VCF1: variants seen among roughly 807,000 people sequenced by gnomAD.
The protein encoded by VCF1 is VCP nuclear cofactor family member 1.
chr17:73,217,429 A>G, the VCF1 span, among the ~76,000 whole-genome samples: 1 of 150,212 alleles, frequency 6.7e-6, no homozygotes, highest in Non-Finnish European at 1.5e-5. Context: ...AGACAGGTGG[A>G]TCACGAGGTC....
chr17:73,211,519 G>A, the VCF1 span, among the ~76,000 whole-genome samples: 1 of 149,128 alleles, frequency 6.7e-6, no homozygotes. Flanking sequence ...AGTGAGCCGA[G>A]ATCGCGCCAT....
chr17:73,207,453 T>C, the VCF1 span: 1 of 700,078 alleles, frequency 1.4e-6, no homozygotes, highest in Non-Finnish European at 2.5e-6. Flanking sequence ...AGATGCCCGC[T>C]GACACTACCA....
the VCF1 span, among the ~76,000 whole-genome samples, chr17:73,228,676 T>C: frequency 1.3e-5 from 2 of 152,150 alleles, no homozygotes; most frequent in East Asian, 3.9e-4. Flanking sequence ...TTTGAAGTAG[T>C]TGGAGGTTAA....
chr17:73,229,737 G>A, the VCF1 span: 6 of 228,856 alleles, frequency 2.6e-5, no homozygotes, highest in Non-Finnish European at 4.3e-5. Flanking sequence ...GCGTGGTGGC[G>A]TGTGCCTGTA....
chr17:73,228,983 T>C, the VCF1 span, among the ~76,000 whole-genome samples: 1 of 152,220 alleles, frequency 6.6e-6, no homozygotes, highest in Admixed American at 6.5e-5. Context: ...CAAAATTTGC[T>C]ATCTCCTCAT....
At chr17:73,227,145 T>C in the VCF1 span, 1 of 1,523,246 alleles carries the variant, frequency 6.6e-7, no homozygotes, top group Non-Finnish European at 8.9e-7. Context: ...AACAACAGAC[T>C]ATGTGACCAC....
At chr17:73,228,358 T>C in the VCF1 span, among the ~76,000 whole-genome samples, 399 of 152,378 alleles carry the variant, frequency 2.6e-3, 5 homozygotes, top group Non-Finnish European at 4.3e-3. Flanking sequence ...TAAATAATTA[T>C]ACACTTTCTA....
the VCF1 span, among the ~76,000 whole-genome samples, chr17:73,231,161 AG>A: frequency 6.6e-6 from 1 of 152,162 alleles, no homozygotes; most frequent in Non-Finnish European, 1.5e-5. Context: ...GGGGAACCCT[AG>A]GTTTTCACTA....
the VCF1 span, chr17:73,207,440 A>G: frequency 4.1e-6 from 3 of 724,262 alleles, no homozygotes; most frequent in Non-Finnish European, 7.3e-6. Context: ...TAGAAGGTGT[A>G]AAAGATGCCC....
the VCF1 span, among the ~76,000 whole-genome samples, chr17:73,217,828 C>T: frequency 6.7e-6 from 1 of 149,354 alleles, no homozygotes; most frequent in Non-Finnish European, 1.5e-5. Context: ...AAAAGTTAGC[C>T]GGGCGTGGAG....
At chr17:73,212,624 T>C in the VCF1 span, 2 of 1,461,582 alleles carry the variant, frequency 1.4e-6, no homozygotes, top group African/African-American at 1.4e-5. Context: ...CACTTGCACC[T>C]TGCGAATCAT....
chr17:73,209,804 G>A, the VCF1 span: 2 of 1,536,234 alleles, frequency 1.3e-6, no homozygotes, highest in South Asian at 2.4e-5. Context: ...GTCACAATAA[G>A]GCTGTTTTGT....
the VCF1 span, chr17:73,232,305 A>T: frequency 1.1e-5 from 17 of 1,576,376 alleles, no homozygotes; most frequent in Non-Finnish European, 1.5e-5. Flanking sequence ...GCGCCCCCCC[A>T]TGTCGCTGCC....
chr17:73,229,406 T>C, the VCF1 span: 89 of 985,484 alleles, frequency 9.0e-5, no homozygotes, highest in African/African-American at 1.4e-3. Context: ...CAGGTTATGA[T>C]TTTAGCAGGC....
chr17:73,207,570 A>G, the VCF1 span: 1 of 718,352 alleles, frequency 1.4e-6, no homozygotes, highest in Non-Finnish European at 2.2e-6. Context: ...CTATCATTGT[A>G]CTTGTTTGGA....
At chr17:73,229,736 C>T in the VCF1 span, 1 of 231,110 alleles carries the variant, frequency 4.3e-6, no homozygotes, top group Non-Finnish European at 7.1e-6. Flanking sequence ...GGCGTGGTGG[C>T]GTGTGCCTGT....
At chr17:73,229,338 GC>G in the VCF1 span, 1 of 985,390 alleles carries the variant, frequency 1.0e-6, no homozygotes, top group Non-Finnish European at 1.2e-6. Flanking sequence ...ACAGCTTCAT[GC>G]TCATCCCTAT....
chr17:73,208,149 C>T, the VCF1 span: 10 of 1,515,924 alleles, frequency 6.6e-6, no homozygotes, highest in South Asian at 8.6e-5. Context: ...TGTTCCGTGT[C>T]CTCTTCAAAT....
the VCF1 span, chr17:73,232,356 C>A: frequency 2.0e-6 from 3 of 1,482,514 alleles, no homozygotes; most frequent in Non-Finnish European, 2.7e-6. Flanking sequence ...GTGGCACCAT[C>A]CCAACCGCAC....
Sources: gnomAD v4.1 joint callset for allele counts (sites outside exome capture counted in the v4.1 genomes callset) on GRCh38, gnomAD v4.1.1 for gene constraint, MANE v1.5 for transcripts, NCBI Gene and HGNC (gene_info 2026-07-23, HGNC 2026-07-21) for gene names.